The following TGM3 variants were observed in gnomAD, a reference collection of about 807,000 sequenced individuals.
TGM3 encodes the protein protein-glutamine gamma-glutamyltransferase E.
Under a neutral mutation model 73.8 loss-of-function variants are expected in TGM3, and 52 were observed. The ratio of observed to expected loss-of-function variants is 0.70; its 90% CI spans 0.56 to 0.89. The LOEUF (loss-of-function observed/expected upper bound fraction) is 0.89. Among genes scored for constraint, TGM3 ranks in the 40% least tolerant of loss-of-function variants. TGM3 has a pLI of 0.00. For synonymous variants in TGM3, 372 were observed against 354.9 expected, an observed-to-expected ratio of 1.05 and a Z score of -0.54; for missense variants, 928 against 909.9, an observed-to-expected ratio of 1.02 and a Z score of -0.26.
At chr20:2,306,726 C>T (rs1395425546) in intron 1 of TGM3, among the ~76,000 whole-genome samples, 1 of 152,214 alleles carries the variant, frequency 6.6e-6, no homozygotes, top group East Asian at 1.9e-4. Context: ...ATCCACCCAC[C>T]TTGGCCTCCC....
At chr20:2,304,555 A>G (rs2084167851) in intron 1 of TGM3, among the ~76,000 whole-genome samples, 1 of 152,134 alleles carries the variant, frequency 6.6e-6, no homozygotes, top group Non-Finnish European at 1.5e-5. Context: ...TGGACTCAAA[A>G]TCCTGCATGA....
At chr20:2,310,941 G>A (rs953281607) in intron 3 of TGM3, 70 bp from the exon 4 acceptor site, 3 of 1,385,208 alleles carry the variant, frequency 2.2e-6, no homozygotes, top group African/African-American at 1.4e-5. Flanking sequence ...GGAGTGGGAG[G>A]AGAGGAGGAA....
chr20:2,311,236 C>G lies in TGM3; in HGVS notation c.540+107C>G, dbSNP rs1315588742. On this transcript the variant is annotated intron_variant, in intron 4 of 12. Coordinates refer to ENST00000381458, the MANE Select transcript of TGM3 (RefSeq NM_003245.4). ...GTCCCACATCTGTCCATCTGCCTGC[C>G]CTTCTATTTGTTCATGTATTCAGAA... is the stretch of plus-strand genomic sequence containing the variant. 6 of 924,246 alleles carry G rather than the reference C, an allele frequency of 6.5e-6. 1 individual carries two copies. In the South Asian group the frequency reaches 8.4e-5, roughly 13 times the overall value. The allele number at this position is 924,246 out of a possible 1,614,324, so 57.3% of individuals were successfully genotyped here. A position where few individuals can be genotyped will look rare whatever the true frequency, so the allele number is the denominator to read the frequency against.
chr20:2,314,718 C>A (rs1276622377), intron 5 of TGM3, among the ~76,000 whole-genome samples: 1 of 151,492 alleles, frequency 6.6e-6, no homozygotes, highest in Non-Finnish European at 1.5e-5. Context: ...AAAAGCCTAT[C>A]TCCAAAAAAA....
intron 6 of TGM3, 32 bp downstream of exon 6, chr20:2,317,277 C>CAG: frequency 6.2e-7 from 1 of 1,613,646 alleles, no homozygotes; most frequent in Non-Finnish European, 8.5e-7. Context: ...TTGGCTGGGT[C>CAG]AGTGGGTGGC....
rs1333906910 is a variant in TGM3, at chr20:2,340,538, T to A, written c.2039T>A (p.Phe680Tyr). 1.9e-6 allele frequency: 3 copies of A among 1,614,084 alleles called. No individual in the cohort carries two copies. The highest frequency in any genetic ancestry group is 1.1e-5 in the South Asian group (1 of 91,082). The change falls in exon 13 of 13, where the codon TTC becomes TAC. Residue 680 changes from phenylalanine (F) to tyrosine (Y), a missense_variant. Coordinates refer to ENST00000381458, the MANE Select transcript of TGM3 (RefSeq NM_003245.4). ...QLLADFSCNK[F>Y]PAIKAMLSID... is the part of the protein sequence containing the mutation. Reference sequence around the variant, plus strand: ...CTCGCCGACTTCTCCTGCAACAAGTTCCCTGCAATCAAGGCCATGTTGTCC... The same window carrying A: ...CTCGCCGACTTCTCCTGCAACAAGTACCCTGCAATCAAGGCCATGTTGTCC...
chr20:2,312,181 C>A (rs1477942156), intron 4 of TGM3, among the ~76,000 whole-genome samples: 1 of 151,946 alleles, frequency 6.6e-6, no homozygotes, highest in Non-Finnish European at 1.5e-5. Flanking sequence ...GGGTGGATCA[C>A]CTGAGGTCAG....
intron 11 of TGM3, among the ~76,000 whole-genome samples, chr20:2,335,904 G>C (rs2084348091): frequency 1.3e-5 from 2 of 152,248 alleles, no homozygotes; most frequent in Non-Finnish European, 2.9e-5. Flanking sequence ...GAAGGGAACA[G>C]CTGGCCACCG....
intron 9 of TGM3, among the ~76,000 whole-genome samples, chr20:2,331,555 A>C (rs1015680300): frequency 2.0e-5 from 3 of 152,188 alleles, no homozygotes; most frequent in African/African-American, 7.2e-5. Flanking sequence ...TTACCAAAAA[A>C]AATTTTTTAA....
At chr20:2,310,793 G>A (rs545235272) in intron 3 of TGM3, among the ~76,000 whole-genome samples, 1 of 152,146 alleles carries the variant, frequency 6.6e-6, no homozygotes. Flanking sequence ...TATCCCTGGG[G>A]TCTCATTTTC....
Position 2,319,906 on chromosome 20 carries a change from T to C in TGM3, c.983+2421T>C, listed in dbSNP as rs760748217. Among the ~76,000 whole-genome samples, 3 of 152,368 alleles carry C rather than the reference T, an allele frequency of 2.0e-5. No individual in the cohort carries two copies. In the East Asian group the frequency reaches 5.8e-4, roughly 29 times the overall value. On this transcript the variant is annotated intron_variant, in intron 7 of 12. Transcript: ENST00000381458. ...ATCCTCCTGGTCCCAAGTTTCTTCA[T>C]ATGTGAAATATAAGGGTTGGCCTAG...
Position 2,310,766 on chromosome 20 carries a change from A to G in TGM3, c.422-245A>G, listed in dbSNP as rs185198401. Among the ~76,000 whole-genome samples, 536 of 152,210 alleles carry G rather than the reference A, an allele frequency of 3.5e-3. 3 individuals are homozygous for G. The highest frequency in any genetic ancestry group is 0.021 in the South Asian group (102 of 4,830). On this transcript the variant is annotated intron_variant, in intron 3 of 12. Transcript: ENST00000381458. ...CACAGCATGGAGATAGCTTTCTGCC[A>G]GAAAGAGCAGGTGTCTTATCCCTGG...
chr20:2,296,164 C>G, intron 1 of TGM3, 94 bp downstream of exon 1: 1 of 1,470,236 alleles, frequency 6.8e-7, no homozygotes. Flanking sequence ...GCCAGGACAG[C>G]TGCCTGCCTT....
In TGM3 at chr20:2,328,061, C is replaced by G. The variant is rs770622298; in HGVS notation, c.1088-59C>G. 1.2e-6 allele frequency: 2 copies of G among 1,604,188 alleles called. No individual in the cohort carries two copies. Among genetic ancestry groups the G allele is most frequent in the African/African-American group, 2.7e-5 (2 of 74,784 alleles). On this transcript the variant is annotated intron_variant, in intron 8 of 12. Transcript: ENST00000381458. The surrounding 1 kb of genome is among the most constrained non-coding windows in gnomAD (Gnocchi z 5.2). ...GTGGTCCTGGAAGGCCCTGGGGAATCGGGCACTGGGTAGGTTGTGGCCTTG... is the reference window on the plus strand; with the variant it reads ...GTGGTCCTGGAAGGCCCTGGGGAATGGGGCACTGGGTAGGTTGTGGCCTTG...
rs1033913911 is a variant in TGM3, at chr20:2,332,656, T to G, written c.1642+346T>G. Among the ~76,000 whole-genome samples, 1 of 152,196 alleles carries G rather than the reference T, an allele frequency of 6.6e-6. No individual in the cohort carries two copies. The highest frequency in any genetic ancestry group is 1.5e-5 in the Non-Finnish European group (1 of 68,040). ...AGGCAGATTTTCAGTGTCCATCTTA[T>G]AGAAGCAGAAAGTGAGGCTGGGAGA... On this transcript the variant is annotated intron_variant, in intron 10 of 12. Transcript: ENST00000381458. This position sits in a 1 kb window ranked among gnomAD's most constrained non-coding sequence, Gnocchi z 4.4.
chr20:2,308,910 T>A (rs1355670809), intron 1 of TGM3, among the ~76,000 whole-genome samples: 1 of 150,454 alleles, frequency 6.6e-6, no homozygotes, highest in East Asian at 1.9e-4. Flanking sequence ...AGAGTTTTGC[T>A]GTTGATGCCC....
At chr20:2,316,314 T>C (rs1045792802) in intron 5 of TGM3, among the ~76,000 whole-genome samples, 1 of 152,210 alleles carries the variant, frequency 6.6e-6, no homozygotes, top group Non-Finnish European at 1.5e-5. Flanking sequence ...GTGTGGTGGC[T>C]CACACCTGTA....
intron 9 of TGM3, among the ~76,000 whole-genome samples, chr20:2,330,269 A>G (rs530221439): frequency 6.6e-6 from 1 of 152,348 alleles, no homozygotes; most frequent in South Asian, 2.1e-4. Context: ...AGTCTTGAGT[A>G]AACCCAGCAG....
intron 9 of TGM3, among the ~76,000 whole-genome samples, chr20:2,331,005 CAAAAAAAAA>C (rs59627856): frequency 3.1e-5 from 2 of 65,504 alleles, no homozygotes; most frequent in South Asian, 8.3e-4. Flanking sequence ...GACCCTGTCA[CAAAAAAAAA>C]AAAAAAAAAA....
Sources: gnomAD v4.1 joint callset for allele counts (sites outside exome capture counted in the v4.1 genomes callset) on GRCh38, gnomAD v4.1.1 for gene constraint, Gnocchi (gnomAD v3.1) non-coding constraint, MANE v1.5 for transcripts, NCBI Gene and HGNC (gene_info 2026-07-23, HGNC 2026-07-21) for gene names.